Variants in BBX observed in about 807,000 individuals in gnomAD.
BBX encodes BBX high mobility group box domain containing.
A neutral mutation model predicts 100.2 loss-of-function variants in BBX; 30 were observed. The ratio of observed to expected loss-of-function variants is 0.30; its 90% confidence interval spans 0.22 to 0.41. The LOEUF (loss-of-function observed/expected upper bound fraction) is 0.41, where lower values mean the gene tolerates loss of function less well. Ranked by LOEUF, BBX falls within the 10% of genes least tolerant of loss-of-function variation. The pLI is 1.00. For synonymous variants in BBX, 376 were observed against 388.1 expected, an observed-to-expected ratio of 0.97 and a Z score of 0.37; for missense variants, 1,023 against 1,129.8, an observed-to-expected ratio of 0.91 and a Z score of 1.35.
chr3:107,779,340 G>A (rs1034559139), intron 13 of BBX, among the ~76,000 whole-genome samples: 1 of 151,856 alleles, frequency 6.6e-6, no homozygotes, highest in African/African-American at 2.4e-5. Flanking sequence ...TGGCAATATT[G>A]CTTTCATTGA....
chr3:107,782,491 A>G (rs2067996846), intron 13 of BBX, among the ~76,000 whole-genome samples: 2 of 152,218 alleles, frequency 1.3e-5, no homozygotes, highest in South Asian at 4.1e-4. Flanking sequence ...TTTGTTTCTC[A>G]CAACAGGTGT....
At chr3:107,630,794 C>T (rs2056499274) in intron 2 of BBX, among the ~76,000 whole-genome samples, 1 of 152,100 alleles carries the variant, frequency 6.6e-6, no homozygotes, top group Admixed American at 6.5e-5. Flanking sequence ...GCCCAGAGAG[C>T]AGGTTTAGAC....
intron 2 of BBX, among the ~76,000 whole-genome samples, chr3:107,631,304 G>A (rs758901937): frequency 2.6e-5 from 4 of 152,188 alleles, no homozygotes; most frequent in African/African-American, 7.2e-5. Context: ...GCCCGGGCAG[G>A]CACTTGGATA....
intron 2 of BBX, among the ~76,000 whole-genome samples, chr3:107,583,879 T>TTA (rs1216617503): frequency 7.8e-6 from 1 of 128,622 alleles, no homozygotes; most frequent in Non-Finnish European, 1.6e-5. Flanking sequence ...AAATTATACT[T>TTA]TATATATATT....
chr3:107,771,398 G>T (rs1174128791), intron 10 of BBX, among the ~76,000 whole-genome samples: 1 of 89,370 alleles, frequency 1.1e-5, no homozygotes, highest in Non-Finnish European at 2.4e-5. Flanking sequence ...TTCTGTACGT[G>T]AAATTTGGGG....
At chr3:107,537,388 A>G (rs1439062252) in intron 2 of BBX, among the ~76,000 whole-genome samples, 1 of 152,226 alleles carries the variant, frequency 6.6e-6, no homozygotes, top group Non-Finnish European at 1.5e-5. Flanking sequence ...ACATATGCCA[A>G]TAAAAATACT....
At position 107,778,436 on chromosome 3, in the gene BBX, C is replaced by T; in HGVS notation, c.2120C>T (p.Thr707Ile). 2 of 1,613,338 alleles carry T rather than the reference C, an allele frequency of 1.2e-6. No individual in the cohort carries two copies. The highest frequency in any genetic ancestry group is 1.1e-5 in the South Asian group (1 of 91,062). ...FNSLPQYSPV[T>I]FDRKCVPVPR... is the part of the protein sequence containing the mutation. ...AGCCTCCCTCAATATAGTCCTGTTA[C>T]ATTTGACCGGAAATGTGTACCTGTC... is the stretch of plus-strand genomic sequence containing the variant. The change falls in exon 13 of 18, where the codon ACA (threonine) becomes ATA (isoleucine). Residue 707 changes from threonine to isoleucine, a missense_variant. Around this residue, in one of 9 missense-constraint regions of BBX, gnomAD observed 215 missense variants for 211.3 expected, o/e 1.02. Transcript: ENST00000325805.
intron 3 of BBX, among the ~76,000 whole-genome samples, chr3:107,666,573 A>G (rs1269700994): frequency 1.3e-5 from 2 of 152,166 alleles, no homozygotes; most frequent in Non-Finnish European, 2.9e-5. Flanking sequence ...CAAATTATTC[A>G]TTATTTTTTT....
At chr3:107,672,418 A>G (rs1455941473) in intron 3 of BBX, among the ~76,000 whole-genome samples, 1 of 152,008 alleles carries the variant, frequency 6.6e-6, no homozygotes, top group Non-Finnish European at 1.5e-5. Flanking sequence ...TTCAAGCATA[A>G]GTTGAGTATG....
At chr3:107,767,204 C>T (rs1332176592) in intron 10 of BBX, among the ~76,000 whole-genome samples, 6 of 152,138 alleles carry the variant, frequency 3.9e-5, no homozygotes, top group African/African-American at 1.4e-4. Context: ...GTATAAAATA[C>T]ATATGTATTT....
chr3:107,687,818 G>T (rs1266119947), intron 3 of BBX, among the ~76,000 whole-genome samples: 1 of 152,164 alleles, frequency 6.6e-6, no homozygotes, highest in African/African-American at 2.4e-5. Flanking sequence ...ACTTTGGGAG[G>T]CCAAGGTGGG....
At chr3:107,598,141 G>T (rs1196314279) in intron 2 of BBX, among the ~76,000 whole-genome samples, 2 of 152,176 alleles carry the variant, frequency 1.3e-5, no homozygotes, top group Admixed American at 1.3e-4. Context: ...AGACTATTGT[G>T]ATAGTCATTG....
intron 9 of BBX, among the ~76,000 whole-genome samples, chr3:107,751,473 A>G (rs150080472): frequency 6.6e-6 from 1 of 152,308 alleles, no homozygotes; most frequent in East Asian, 1.9e-4. Context: ...TATCTTAGAA[A>G]CATACTTTTA....
At position 107,617,869 on chromosome 3, in the gene BBX, A is replaced by G. The variant is rs184237246; in HGVS notation, c.-83-27967A>G. Among the ~76,000 whole-genome samples, 169 of 151,782 alleles carry G rather than the reference A, an allele frequency of 1.1e-3. 1 individual carries two copies. Among genetic ancestry groups the G allele is most frequent in the African/African-American group, 3.5e-3 (145 of 41,338 alleles). On this transcript the variant is annotated intron_variant, in intron 2 of 17. Transcript: ENST00000325805. Reference sequence around the variant, plus strand: ...GTTTTGTTTCTTCTTTCAGGTCTGTATGCCTTTTTTTTTCCTTGACTTATT... The same window carrying G: ...GTTTTGTTTCTTCTTTCAGGTCTGTGTGCCTTTTTTTTTCCTTGACTTATT...
intron 2 of BBX, among the ~76,000 whole-genome samples, chr3:107,538,560 A>G (rs1383891462): frequency 6.6e-6 from 1 of 152,154 alleles, no homozygotes; most frequent in Non-Finnish European, 1.5e-5. Flanking sequence ...GTTTTGACTT[A>G]GTTTTTCAAA....
In BBX at chr3:107,797,334, C is replaced by T. The variant is rs2069783782; in HGVS notation, c.2354-1189C>T. 8.3e-5 allele frequency among the ~76,000 whole-genome samples: 2 copies of T among 24,034 alleles called. 1 individual carries two copies. The highest frequency in any genetic ancestry group is 9.9e-4 in the Admixed American group (2 of 2,026). The allele number at this position is 24,034 out of a possible 152,430, so 15.8% of individuals were successfully genotyped here. ...TTTTCCTCTTAGTTTAGCTTTTCTT[C>T]CAAATATATATATATATATATATAT... On this transcript the variant is annotated intron_variant, in intron 15 of 17. Coordinates refer to ENST00000325805, the MANE Select transcript of BBX (RefSeq NM_001142568.3).
chr3:107,554,940 T>A (rs762961384), intron 2 of BBX, among the ~76,000 whole-genome samples: 2 of 151,894 alleles, frequency 1.3e-5, no homozygotes, highest in Non-Finnish European at 2.9e-5. Flanking sequence ...TGGTGACGCA[T>A]GCCTGTAATT....
intron 2 of BBX, among the ~76,000 whole-genome samples, chr3:107,529,607 C>T (rs1327141662): frequency 6.6e-6 from 1 of 152,190 alleles, no homozygotes; most frequent in African/African-American, 2.4e-5. Flanking sequence ...GTTGTACTAC[C>T]TCAAGGGTAG....
intron 17 of BBX, among the ~76,000 whole-genome samples, chr3:107,804,304 T>A (rs2070858636): frequency 1.3e-5 from 2 of 152,362 alleles, no homozygotes; most frequent in Non-Finnish European, 2.9e-5. Context: ...CCTTTTGTTC[T>A]ATGTACTCTG....
Sources: gnomAD v4.1 joint callset for allele counts (sites outside exome capture counted in the v4.1 genomes callset) on GRCh38, gnomAD v4.1.1 for gene constraint, gnomAD v4.1.1 regional missense constraint, MANE v1.5 for transcripts, NCBI Gene and HGNC (gene_info 2026-07-23, HGNC 2026-07-21) for gene names.